Variants in EFR3A observed in about 807,000 individuals in gnomAD.
EFR3A encodes the protein EFR3 homolog A.
EFR3A carries 76 observed loss-of-function variants against 104.4 expected under a neutral mutation model. That is an observed-to-expected ratio of 0.73 (90% CI 0.60 to 0.88). The LOEUF is 0.88. Ranked by LOEUF, EFR3A falls within the 40% of genes least tolerant of loss-of-function variation. The probability of loss-of-function intolerance (pLI) is 0.00; values close to 1 mark genes in which losing one functional copy is unlikely to be tolerated. For synonymous variants in EFR3A, 330 were observed against 330.0 expected, an observed-to-expected ratio of 1.00 and a Z score of 0.00; for missense variants, 985 against 1,012.5, an observed-to-expected ratio of 0.97 and a Z score of 0.37.
At chr8:131,927,590 A>G (rs1817364815) in intron 1 of EFR3A, among the ~76,000 whole-genome samples, 1 of 152,190 alleles carries the variant, frequency 6.6e-6, no homozygotes, top group Non-Finnish European at 1.5e-5. Context: ...AAGTCGGTAT[A>G]GTATTACATG....
In EFR3A at chr8:131,911,960, A is replaced by G. The variant is rs150365305; in HGVS notation, c.10+7638A>G. Among the ~76,000 whole-genome samples, 1,219 of 152,312 alleles carry G rather than the reference A, an allele frequency of 8.0e-3. 6 individuals carry two copies. Among genetic ancestry groups the G allele is most frequent in the Middle Eastern group, 0.027 (8 of 294 alleles). On this transcript the variant is annotated intron_variant, in intron 1 of 22. Transcript: ENST00000254624. ...CGCAGAAAGGCCGAGGGAAAGTTAG[A>G]GTAATATTTTTCAGTTTTATGACTG...
At chr8:132,003,307 T>C in intron 22 of EFR3A, 22 bp downstream of exon 22, 2 of 1,606,192 alleles carry the variant, frequency 1.2e-6, no homozygotes, top group South Asian at 1.1e-5. Context: ...GTTATCACAA[T>C]AGCAATAACA....
chr8:131,971,467 T>C (rs1820046866), intron 10 of EFR3A, among the ~76,000 whole-genome samples: 1 of 152,100 alleles, frequency 6.6e-6, no homozygotes, highest in African/African-American at 2.4e-5. Flanking sequence ...GGCGGGCGGA[T>C]CACGAGGTCA....
In EFR3A at chr8:131,944,602, C is replaced by T. The variant is rs376340791; in HGVS notation, c.88-143C>T. 155 of 799,380 alleles carry T rather than the reference C, an allele frequency of 1.9e-4. 1 individual carries two copies. The East Asian group carries it at 4.5e-3, about 23-fold the overall frequency. 49.5% of individuals were successfully genotyped at this position (799,380 alleles called of 1,614,324 possible). On this transcript the variant is annotated intron_variant, in intron 2 of 22. Transcript: ENST00000254624. The stretch of plus-strand genomic sequence containing the variant: ...GTATCCATCATGGTGAATGTTAGCA[C>T]TAAGGAGGTTATGTGCAGAAGGGTT...
intron 17 of EFR3A, 45 bp downstream of exon 17, chr8:131,986,306 A>G (rs1425352317): frequency 1.0e-6 from 1 of 969,410 alleles, no homozygotes; most frequent in East Asian, 2.5e-5. Flanking sequence ...CTGACTTGAT[A>G]AACCCATCAG....
chr8:132,007,630 A>T (rs1822117609), intron 22 of EFR3A, among the ~76,000 whole-genome samples: 2 of 151,958 alleles, frequency 1.3e-5, no homozygotes, highest in Admixed American at 6.6e-5. Flanking sequence ...TAAAATTCAG[A>T]TGAAAGTACA....
chr8:131,994,891 G>A (rs1052205344), intron 18 of EFR3A, among the ~76,000 whole-genome samples: 3 of 152,130 alleles, frequency 2.0e-5, no homozygotes, highest in African/African-American at 7.2e-5. Flanking sequence ...TAGTACCTGG[G>A]AACTCTTTGA....
intron 8 of EFR3A, among the ~76,000 whole-genome samples, chr8:131,965,284 A>G (rs1042182274): frequency 6.6e-6 from 1 of 152,214 alleles, no homozygotes; most frequent in Non-Finnish European, 1.5e-5. Context: ...CAGGCAACCT[A>G]CAGAATGGGA....
At chr8:131,913,791 C>T (rs1816631158) in intron 1 of EFR3A, among the ~76,000 whole-genome samples, 1 of 152,146 alleles carries the variant, frequency 6.6e-6, no homozygotes, top group Non-Finnish European at 1.5e-5. Context: ...AATTTCACTC[C>T]TGATGAGCCG....
intron 14 of EFR3A, among the ~76,000 whole-genome samples, chr8:131,983,807 T>G (rs564019667): frequency 6.6e-6 from 1 of 152,328 alleles, no homozygotes; most frequent in Non-Finnish European, 1.5e-5. Context: ...GATTCTGCCA[T>G]CCATTTCACT....
At chr8:131,906,565 CTG>C (rs556193509) in intron 1 of EFR3A, among the ~76,000 whole-genome samples, 162 of 152,302 alleles carry the variant, frequency 1.1e-3, no homozygotes, top group African/African-American at 3.2e-3. Context: ...CTCATTGAAA[CTG>C]TTGTTAATAA....
chr8:131,950,152 A>G (rs1296238239), intron 5 of EFR3A, 62 bp downstream of exon 5: 3 of 1,445,382 alleles, frequency 2.1e-6, no homozygotes, highest in Non-Finnish European at 2.8e-6. Flanking sequence ...TTGTGTTCAT[A>G]TGTTACATAA....
chr8:131,910,157 C>T (rs1816446029), intron 1 of EFR3A, among the ~76,000 whole-genome samples: 1 of 152,168 alleles, frequency 6.6e-6, no homozygotes, highest in East Asian at 1.9e-4. Context: ...CTATACTAGC[C>T]GAGTAGCTGG....
chr8:131,967,713 C>T (rs1278092139), intron 8 of EFR3A, among the ~76,000 whole-genome samples: 1 of 151,980 alleles, frequency 6.6e-6, no homozygotes, highest in Non-Finnish European at 1.5e-5. Flanking sequence ...GTTAATTGCA[C>T]ATCTTTTGAG....
intron 2 of EFR3A, 138 bp from the exon 3 acceptor site, chr8:131,944,604 AAGG>A: frequency 2.5e-6 from 2 of 797,676 alleles, no homozygotes; most frequent in South Asian, 4.0e-5. Context: ...TGTTAGCACT[AAGG>A]AGGTTATGTG....
chr8:132,010,744 A>T (rs1348136021), intron 22 of EFR3A, 46 bp from the exon 23 acceptor site: 2 of 1,595,384 alleles, frequency 1.3e-6, no homozygotes, highest in Non-Finnish European at 1.7e-6. Flanking sequence ...TGAAATGAAC[A>T]GCTTGTAAGT....
At chr8:132,008,298 G>T (rs973213514) in intron 22 of EFR3A, among the ~76,000 whole-genome samples, 4 of 152,002 alleles carry the variant, frequency 2.6e-5, no homozygotes, top group Non-Finnish European at 5.9e-5. Flanking sequence ...ATGTGTAAAA[G>T]TGTTTAAAAT....
intron 5 of EFR3A, among the ~76,000 whole-genome samples, chr8:131,950,566 C>A (rs1027528742): frequency 6.6e-6 from 1 of 152,112 alleles, no homozygotes; most frequent in Admixed American, 6.6e-5. Flanking sequence ...TTAAATGTCA[C>A]CTCTCTCATT....
chr8:131,960,170 A>AG (rs1320401979), intron 8 of EFR3A, among the ~76,000 whole-genome samples: 6 of 152,180 alleles, frequency 3.9e-5, no homozygotes, highest in Admixed American at 6.6e-5. Context: ...GTTTAGACTA[A>AG]GGGACTTTCC....
Sources: gnomAD v4.1 joint callset for allele counts (sites outside exome capture counted in the v4.1 genomes callset) on GRCh38, gnomAD v4.1.1 for gene constraint, MANE v1.5 for transcripts, NCBI Gene and HGNC (gene_info 2026-07-23, HGNC 2026-07-21) for gene names.